Variants in CFI observed in about 807,000 individuals in gnomAD.
The protein encoded by CFI is complement factor I.
Under a neutral mutation model 78.8 loss-of-function variants are expected in CFI, and 66 were observed. The ratio of observed to expected loss-of-function variants is 0.84; its 90% CI spans 0.69 to 1.03. The LOEUF (loss-of-function observed/expected upper bound fraction) is 1.03, where lower values mean the gene tolerates loss of function less well. Ranked by LOEUF, CFI falls within the 50% of genes least tolerant of loss-of-function variation. The pLI is 0.00. For missense variants in CFI, 706 were observed against 704.5 expected, an observed-to-expected ratio of 1.00 and a Z score of -0.02; for synonymous variants, 250 against 232.6, an observed-to-expected ratio of 1.07 and a Z score of -0.68.
intron 4 of CFI, among the ~76,000 whole-genome samples, 194 bp from the exon 5 acceptor site, chr4:109,760,830 C>T (rs753572959): frequency 3.3e-5 from 5 of 152,158 alleles, no homozygotes; most frequent in Non-Finnish European, 7.4e-5. Context: ...TATGGAGGCT[C>T]TTCTATTATC....
intron 1 of CFI, among the ~76,000 whole-genome samples, chr4:109,787,431 C>T (rs1730878794): frequency 1.3e-5 from 2 of 151,910 alleles, no homozygotes; most frequent in Non-Finnish European, 1.5e-5. Context: ...TGCATTGTAC[C>T]TGGGAGCAGC....
intron 3 of CFI, chr4:109,764,250 AC>A (rs1727446990): frequency 2.2e-6 from 1 of 463,908 alleles, no homozygotes; most frequent in East Asian, 4.3e-5. Flanking sequence ...ATAATTGTAG[AC>A]GAGTAGGAGA....
At chr4:109,795,872 C>T (rs1039377209) in intron 1 of CFI, among the ~76,000 whole-genome samples, 22 of 151,602 alleles carry the variant, frequency 1.5e-4, no homozygotes, top group African/African-American at 3.2e-4. Flanking sequence ...CTCAAGCCAA[C>T]GAATGAATGC....
At chr4:109,754,126 G>A (rs1471516659) in intron 7 of CFI, among the ~76,000 whole-genome samples, 2 of 151,576 alleles carry the variant, frequency 1.3e-5, no homozygotes, top group African/African-American at 4.8e-5. Flanking sequence ...TGGGATTACA[G>A]GTGTGCGTCA....
At chr4:109,759,908 T>C (rs576334556) in intron 6 of CFI, among the ~76,000 whole-genome samples, 1 of 136,174 alleles carries the variant, frequency 7.3e-6, no homozygotes, top group Non-Finnish European at 1.6e-5. Context: ...AAAGTAATAG[T>C]AAATAAAATA....
At chr4:109,763,183 AT>A (rs2126218731) in intron 3 of CFI, among the ~76,000 whole-genome samples, 2 of 152,292 alleles carry the variant, frequency 1.3e-5, no homozygotes, top group East Asian at 3.8e-4. Context: ...TTATATCATC[AT>A]AGTGATTAAC....
the CFI span, among the ~76,000 whole-genome samples, chr4:109,733,067 G>A: frequency 6.6e-6 from 1 of 151,362 alleles, no homozygotes; most frequent in Non-Finnish European, 1.5e-5. Context: ...CGCCTCCCAG[G>A]TTCAAGCTAT....
chr4:109,766,753 G>C lies in CFI; in HGVS notation c.129C>G (p.Cys43Trp). Residue 43 changes from cysteine (C) to tryptophan (W), a missense_variant, in exon 2 of 13, where the codon TGC becomes TGG. By Grantham distance (215) the Cys-to-Trp change is radical. Coordinates refer to ENST00000394634, the MANE Select transcript of CFI (RefSeq NM_000204.5). ...CLAKKYTHLS[C>W]DKVFCQPWQR... ...GCCATGGCTGGCAGAAGACTTTATC[G>C]CAGGAGAGGTGAGTATATTTTTTTG... 1 of 1,614,132 alleles carries C rather than the reference G, an allele frequency of 6.2e-7. No individual in the cohort carries two copies. Among genetic ancestry groups the C allele is most frequent in the Non-Finnish European group, 8.5e-7 (1 of 1,179,976 alleles).
At chr4:109,781,189 G>A (rs1729976798) in intron 1 of CFI, among the ~76,000 whole-genome samples, 2 of 151,240 alleles carry the variant, frequency 1.3e-5, no homozygotes, top group Admixed American at 1.3e-4. Context: ...CAATGAAATT[G>A]GAAAAAAAAG....
chr4:109,735,103 A>G, the CFI span, among the ~76,000 whole-genome samples: 1 of 152,096 alleles, frequency 6.6e-6, no homozygotes, highest in African/African-American at 2.4e-5. Context: ...AGGTGTACAC[A>G]ACTGTGACTG....
intron 1 of CFI, among the ~76,000 whole-genome samples, chr4:109,785,095 T>A (rs139148493): frequency 6.6e-6 from 1 of 152,064 alleles, no homozygotes; most frequent in Non-Finnish European, 1.5e-5. Flanking sequence ...GCCCACAAAT[T>A]GCTCCTAACT....
chr4:109,776,320 T>G (rs911295732), intron 1 of CFI, among the ~76,000 whole-genome samples: 3 of 152,130 alleles, frequency 2.0e-5, no homozygotes, highest in African/African-American at 7.2e-5. Flanking sequence ...AACTATTTGA[T>G]GCATGCACAA....
chr4:109,738,842 A>G (rs796375085), downstream of CFI, among the ~76,000 whole-genome samples: 26 of 152,358 alleles, frequency 1.7e-4, 1 homozygote, highest in African/African-American at 6.0e-4. Context: ...CGGCAACAGC[A>G]TGAGAGACTG....
intron 1 of CFI, among the ~76,000 whole-genome samples, chr4:109,789,587 T>C (rs979037417): frequency 2.0e-5 from 3 of 151,976 alleles, no homozygotes; most frequent in African/African-American, 7.2e-5. Flanking sequence ...CATTCAAAAA[T>C]TTAGGCAAAA....
In CFI at chr4:109,780,625, G is replaced by C. The variant is rs146353873; in HGVS notation, c.58-13801C>G. Reference sequence around the variant, plus strand: ...AGATCTAGAACTGGAAATACCATTTGACCCAGCCATCCCATTACTGGGCAT... The same window carrying C: ...AGATCTAGAACTGGAAATACCATTTCACCCAGCCATCCCATTACTGGGCAT... On this transcript the variant is annotated intron_variant, in intron 1 of 12. Transcript: ENST00000394634. 5.2e-3 allele frequency among the ~76,000 whole-genome samples: 796 copies of C among 152,270 alleles called. 9 individuals carry two copies. The highest frequency in any genetic ancestry group is 0.018 in the African/African-American group (742 of 41,548).
intron 1 of CFI, among the ~76,000 whole-genome samples, chr4:109,767,984 G>C (rs1727998204): frequency 6.6e-6 from 1 of 151,886 alleles, no homozygotes; most frequent in Non-Finnish European, 1.5e-5. Context: ...CCTTTGTAGG[G>C]ACATGGATGA....
chr4:109,746,464 A>G lies in CFI; in HGVS notation c.1187T>C (p.Val396Ala), dbSNP rs200447318. The G allele has an allele frequency of 3.1e-6, 5 of 1,613,278 alleles. No homozygotes were observed. Among genetic ancestry groups the G allele is most frequent in the Non-Finnish European group, 4.2e-6 (5 of 1,179,656 alleles). Residue 396 changes from valine (V) to alanine (A), a missense_variant, in exon 11 of 13, where the codon GTA becomes GCA. Val to Ala is a moderately conservative substitution (Grantham distance 64). Transcript: ENST00000394634. The part of the protein sequence containing the change: ...KTHRYQIWTT[V>A]VDWIHPDLKR... ...AAGGTCGGGGTGTATCCAGTCTACT[A>G]CTGTTGTCCATATTTGGTAACGATG...
At chr4:109,781,896 G>A (rs1730085047) in intron 1 of CFI, among the ~76,000 whole-genome samples, 1 of 152,000 alleles carries the variant, frequency 6.6e-6, no homozygotes, top group African/African-American at 2.4e-5. Flanking sequence ...TAAGCAGAAT[G>A]AAAAACCAAA....
At chr4:109,763,178 T>C (rs1727297366) in intron 3 of CFI, among the ~76,000 whole-genome samples, 1 of 152,128 alleles carries the variant, frequency 6.6e-6, no homozygotes, top group Admixed American at 6.6e-5. Context: ...GCTTATTATA[T>C]CATCATAGTG....
Sources: gnomAD v4.1 joint callset for allele counts (sites outside exome capture counted in the v4.1 genomes callset) on GRCh38, gnomAD v4.1.1 for gene constraint, MANE v1.5 for transcripts, NCBI Gene and HGNC (gene_info 2026-07-23, HGNC 2026-07-21) for gene names.